The following IFT172 variants were observed in gnomAD, a reference collection of about 807,000 sequenced individuals.
The protein encoded by IFT172 is intraflagellar transport protein 172 homolog.
Under a neutral mutation model 248.9 loss-of-function variants are expected in IFT172, and 164 were observed. The observed-to-expected ratio is 0.66, with a 90% CI of 0.58 to 0.75. The LOEUF (loss-of-function observed/expected upper bound fraction) is 0.75, where lower values mean the gene tolerates loss of function less well. Ranked by LOEUF, IFT172 falls within the 30% of genes least tolerant of loss-of-function variation. IFT172 has a pLI of 0.00. For synonymous variants in IFT172, 729 were observed against 791.6 expected (o/e 0.92, Z 1.33); for missense variants, 1,950 against 2,192.4 (o/e 0.89, Z 2.21).
intron 29 of IFT172, among the ~76,000 whole-genome samples, chr2:27,457,081 G>A (rs1666223563): frequency 6.6e-6 from 1 of 151,886 alleles, no homozygotes; most frequent in African/African-American, 2.4e-5. Context: ...ACAGGAAGAG[G>A]GCTAAATTTC....
chr2:27,449,443 A>G, intron 38 of IFT172, 56 bp downstream of exon 38: 2 of 1,613,810 alleles, frequency 1.2e-6, no homozygotes, highest in Non-Finnish European at 1.7e-6. Context: ...GAAGAGGGAG[A>G]GAGTCTTGTG....
At chr2:27,471,253 A>C (rs1667550465) in intron 15 of IFT172, 158 bp from the exon 16 acceptor site, 3 of 636,836 alleles carry the variant, frequency 4.7e-6, no homozygotes, top group Non-Finnish European at 8.0e-6. Flanking sequence ...CTGAGCTGGT[A>C]TATCCTAACT....
intron 29 of IFT172, among the ~76,000 whole-genome samples, chr2:27,457,251 A>C (rs1468839026): frequency 6.6e-6 from 1 of 152,110 alleles, no homozygotes; most frequent in Non-Finnish European, 1.5e-5. Flanking sequence ...AGATGCTCTG[A>C]CCAATTGTGA....
Position 27,444,453 on chromosome 2 carries a change from GCTGGGGAGCC to G in IFT172, c.5219_5228del (p.Gly1740AlafsTer10). 1 of 1,613,174 alleles carries G rather than the reference GCTGGGGAGCC, an allele frequency of 6.2e-7. No individual in the cohort carries two copies. The highest frequency in any genetic ancestry group is 8.5e-7 in the Non-Finnish European group (1 of 1,179,488). Reference sequence around the variant, plus strand: ...CCAACTACTGAAAGGAAAAGCTGGTGCTGGGGAGCCCTCCACACCACTGACTGATGAATTT... The same window carrying G: ...CCAACTACTGAAAGGAAAAGCTGGTGCTCCACACCACTGACTGATGAATTT... On this transcript the variant is annotated frameshift_variant, in exon 48 of 48. Transcript: ENST00000260570. LOFTEE classifies it high-confidence loss of function.
In IFT172 at chr2:27,450,077, T is replaced by C. The variant is rs1252202267; in HGVS notation, c.3971A>G (p.Lys1324Arg). 1 of 1,613,974 alleles carries C rather than the reference T, an allele frequency of 6.2e-7. No individual in the cohort carries two copies. The highest frequency in any genetic ancestry group is 1.7e-5 in the Admixed American group (1 of 59,990). ...CATATTACGTTGGGGAGGCAGAAAC[T>C]TGATGGAGAGTTCAGCTGCCTGAGT... ...CWMKAAELSIKFLPPQRNMEV... is the reference protein window; with the variant it reads ...CWMKAAELSIRFLPPQRNMEV... Residue 1324 changes from lysine (K) to arginine (R), a missense_variant, in exon 36 of 48, where the codon AAG (lysine) becomes AGG (arginine). Lys to Arg is a conservative substitution (Grantham distance 26, BLOSUM62 2). Around this residue, in one of 3 missense-constraint regions of IFT172, gnomAD observed 620 missense variants for 699.0 expected, o/e 0.89. Transcript: ENST00000260570.
Position 27,446,266 on chromosome 2 carries a change from A to C in IFT172, c.4749T>G (p.Ala1583=). ...VDKAFYEAGI[A]AKAVGWDNMA... Reference sequence around the variant, plus strand: ...CTTCCTTGTCCCAGCTCACCTTGGCAGCAATGCCTGCTTCATAGAAGGCTT... The same window carrying C: ...CTTCCTTGTCCCAGCTCACCTTGGCCGCAATGCCTGCTTCATAGAAGGCTT... Residue 1583 remains alanine (A), a synonymous_variant, in exon 43 of 48, where the codon GCT becomes GCG. Transcript: ENST00000260570. The C allele has an allele frequency of 6.2e-7, 1 of 1,614,156 alleles. No homozygotes were observed. The highest frequency in any genetic ancestry group is 8.5e-7 in the Non-Finnish European group (1 of 1,179,980).
At chr2:27,461,904 C>T in intron 20 of IFT172, 68 bp from the exon 21 acceptor site, 2 of 1,575,178 alleles carry the variant, frequency 1.3e-6, no homozygotes, top group Non-Finnish European at 1.7e-6. Flanking sequence ...AGCAAGCTCT[C>T]CTCAGCCTGG....
intron 10 of IFT172, among the ~76,000 whole-genome samples, chr2:27,478,451 T>G (rs1336812318): frequency 6.6e-6 from 1 of 152,204 alleles, no homozygotes; most frequent in African/African-American, 2.4e-5. Context: ...ACCTTATATA[T>G]CATTGATCAC....
At chr2:27,452,497 C>T (rs1665764653) in intron 35 of IFT172, among the ~76,000 whole-genome samples, 1 of 152,180 alleles carries the variant, frequency 6.6e-6, no homozygotes, top group South Asian at 2.1e-4. Flanking sequence ...GTCTAATGAT[C>T]AGTATGTTCT....
At chr2:27,481,304 A>C in intron 7 of IFT172, 44 bp from the exon 8 acceptor site, 1 of 1,478,884 alleles carries the variant, frequency 6.8e-7, no homozygotes, top group Non-Finnish European at 9.3e-7. Flanking sequence ...CGAAGACTCC[A>C]CCCGAGAAAT....
rs1393522194 is a variant in IFT172, at chr2:27,461,838, T to C, written c.2116-2A>G. Reference sequence around the variant, plus strand: ...GCCCATGGCCTCCTCCACAGCATTCTAGGGGAAACAGGCAGAGCAGAGAGG... The same window carrying C: ...GCCCATGGCCTCCTCCACAGCATTCCAGGGGAAACAGGCAGAGCAGAGAGG... On this transcript the variant is annotated splice_acceptor_variant, in intron 20 of 47. Coordinates refer to ENST00000260570, the MANE Select transcript of IFT172 (RefSeq NM_015662.3). LOFTEE classifies it high-confidence loss of function. 6.2e-7 allele frequency: 1 copy of C among 1,614,068 alleles called. No individual in the cohort carries two copies. The highest frequency in any genetic ancestry group is 8.5e-7 in the Non-Finnish European group (1 of 1,180,010).
In IFT172 at chr2:27,483,912, G is replaced by T. The variant is rs765202929; in HGVS notation, c.362C>A (p.Pro121Gln). 2.5e-6 allele frequency: 4 copies of T among 1,613,824 alleles called. No individual in the cohort carries two copies. In the East Asian group the frequency reaches 8.9e-5, roughly 36 times the overall value. ...QTSAVTCLQW[P>Q]AEYIIVFGLA... ...TCCAAAGACAATGATGTATTCTGCC[G>T]GCCATTGCAGACAAGTGACAGCACT... Residue 121 changes from proline to glutamine, a missense_variant, in exon 5 of 48, where the codon CCG becomes CAG. Pro to Gln is a moderately conservative substitution (Grantham distance 76). Coordinates refer to ENST00000260570, the MANE Select transcript of IFT172 (RefSeq NM_015662.3).
intron 2 of IFT172, 45 bp downstream of exon 2, chr2:27,485,314 AC>A: frequency 6.2e-7 from 1 of 1,610,692 alleles, no homozygotes; most frequent in Non-Finnish European, 8.5e-7. Flanking sequence ...AAGTTGTGAG[AC>A]CCCATCAATA....
chr2:27,459,424 T>G lies in IFT172; in HGVS notation c.2741A>C (p.Tyr914Ser). The change falls in exon 25 of 48, where the codon TAC becomes TCC. Residue 914 changes from tyrosine to serine, a missense_variant. Physicochemically the swap from Tyr to Ser is moderately radical, Grantham distance 144. Coordinates refer to ENST00000260570, the MANE Select transcript of IFT172 (RefSeq NM_015662.3). ...DLQDRNTASK[Y>S]YPLVAQHYAS... ...ATAGTGTTGGGCCACGAGAGGATAG[T>G]ATTTGGATGCAGTGTTCCGGTCCTG... 1 of 1,614,206 alleles carries G rather than the reference T, an allele frequency of 6.2e-7. No individual in the cohort carries two copies. Among genetic ancestry groups the G allele is most frequent in the Non-Finnish European group, 8.5e-7 (1 of 1,180,042 alleles).
intron 30 of IFT172, chr2:27,455,431 G>A (rs370316335): frequency 2.4e-4 from 57 of 238,496 alleles, no homozygotes; most frequent in South Asian, 5.5e-4. Flanking sequence ...AGAATATGCC[G>A]GGCGCGGTGG....
chr2:27,457,645 G>A lies in IFT172; in HGVS notation c.3222C>T (p.Ala1074=). The change falls in exon 29 of 48, where the codon GCC becomes GCT. Residue 1074 remains alanine, a synonymous_variant. Transcript: ENST00000260570. ...MYRASGLWEE[A]YRVARTQGGA... ...TGTGGCCTGAACTCCTTACCCTGTA[G>A]GCCTCTTCCCAAAGCCCACTGGCCC... 6.2e-7 allele frequency: 1 copy of A among 1,613,616 alleles called. No individual in the cohort carries two copies. The highest frequency in any genetic ancestry group is 8.5e-7 in the Non-Finnish European group (1 of 1,179,612).
At position 27,445,256 on chromosome 2, in the gene IFT172, C is replaced by T. The variant is rs1219153566; in HGVS notation, c.5068+40G>A. The T allele has an allele frequency of 1.3e-6, 2 of 1,594,314 alleles. No homozygotes were observed. The highest frequency in any genetic ancestry group is 3.5e-5 in the Admixed American group (2 of 57,936). Reference sequence around the variant, plus strand: ...TTAAGTTTATTGATCCTGCTGCTTTCTACCCACCACAGGATCTGGGGTGCT... The same window carrying T: ...TTAAGTTTATTGATCCTGCTGCTTTTTACCCACCACAGGATCTGGGGTGCT... On this transcript the variant is annotated intron_variant, in intron 46 of 47. Coordinates refer to ENST00000260570, the MANE Select transcript of IFT172 (RefSeq NM_015662.3). The surrounding 1 kb of genome is among the most constrained non-coding windows in gnomAD (Gnocchi z 4.4).
intron 42 of IFT172, 73 bp downstream of exon 42, chr2:27,447,442 G>T: frequency 6.4e-7 from 1 of 1,556,986 alleles, no homozygotes; most frequent in South Asian, 1.2e-5. Flanking sequence ...TCCAGAACGT[G>T]AATCAATTCA....
At chr2:27,465,918 A>C (rs1190748693) in intron 16 of IFT172, 36 bp from the exon 17 acceptor site, 1 of 1,612,850 alleles carries the variant, frequency 6.2e-7, no homozygotes, top group East Asian at 2.2e-5. Flanking sequence ...CCCCAATTTC[A>C]GGTTAGTTTC....
Sources: allele counts gnomAD v4.1 joint callset (sites outside exome capture counted in the v4.1 genomes callset), GRCh38; gene constraint gnomAD v4.1.1; regional missense constraint gnomAD v4.1.1; non-coding constraint Gnocchi (gnomAD v3.1); transcripts MANE v1.5; gene names NCBI Gene and HGNC (gene_info 2026-07-23, HGNC 2026-07-21).